The following NRG1 variants were observed in gnomAD, a reference collection of about 807,000 sequenced individuals.
NRG1 encodes pro-neuregulin-1, membrane-bound isoform.
Under a neutral mutation model 63.8 loss-of-function variants are expected in NRG1, and 18 were observed. That is an observed-to-expected ratio of 0.28 (90% confidence interval 0.19 to 0.42). The LOEUF (loss-of-function observed/expected upper bound fraction) is 0.42. Ranked by LOEUF, NRG1 falls within the 10% of genes least tolerant of loss-of-function variation. NRG1 has a pLI of 1.00. For missense variants in NRG1, 762 were observed against 814.7 expected (o/e 0.94, Z 0.79); for synonymous variants, 302 against 301.3 (o/e 1.00, Z -0.02).
chr8:32,247,518 C>T (rs1848700169), intron 1 of NRG1, among the ~76,000 whole-genome samples: 2 of 152,084 alleles, frequency 1.3e-5, no homozygotes, highest in South Asian at 4.1e-4. Context: ...CAAAGGCCCT[C>T]TGGGAGATAT....
At chr8:32,659,063 T>C (rs879604952) in intron 5 of NRG1, among the ~76,000 whole-genome samples, 2 of 152,186 alleles carry the variant, frequency 1.3e-5, no homozygotes, top group Non-Finnish European at 2.9e-5. Context: ...GAGCTGAGTT[T>C]AATTCCTAGA....
chr8:32,633,343 G>A (rs1161338129), intron 5 of NRG1, among the ~76,000 whole-genome samples: 3 of 151,878 alleles, frequency 2.0e-5, no homozygotes, highest in Non-Finnish European at 4.4e-5. Flanking sequence ...GATGGTTACC[G>A]AGAATGGAAA....
intron 1 of NRG1, among the ~76,000 whole-genome samples, chr8:32,324,092 CA>C (rs11315662): frequency 0.17 from 24,339 of 146,208 alleles, 2,831 homozygotes; most frequent in East Asian, 0.58. Flanking sequence ...TCAAAGCCCT[CA>C]AAAAAAAAAA....
intron 1 of NRG1, among the ~76,000 whole-genome samples, chr8:32,575,313 A>T (rs146885717): frequency 6.6e-6 from 1 of 151,908 alleles, no homozygotes; most frequent in Admixed American, 6.6e-5. Context: ...TGGTTGGCCT[A>T]CTTCTTCTTT....
intron 1 of NRG1, among the ~76,000 whole-genome samples, chr8:31,669,878 G>C (rs1806944230): frequency 6.6e-6 from 1 of 152,158 alleles, no homozygotes; most frequent in Non-Finnish European, 1.5e-5. Flanking sequence ...CTGGTCACAT[G>C]AGGATTGGGT....
At chr8:32,724,108 A>G (rs1821433233) in intron 5 of NRG1, among the ~76,000 whole-genome samples, 1 of 152,224 alleles carries the variant, frequency 6.6e-6, no homozygotes, top group Non-Finnish European at 1.5e-5. Flanking sequence ...TCTTCCTTAT[A>G]ATACTGTAGT....
chr8:32,617,830 T>A (rs1174078542), intron 5 of NRG1, among the ~76,000 whole-genome samples: 2 of 152,182 alleles, frequency 1.3e-5, no homozygotes, highest in Non-Finnish European at 2.9e-5. Flanking sequence ...TTTAAGTTGT[T>A]TTGTCAATCT....
chr8:32,649,481 T>A (rs1032106395), intron 5 of NRG1, among the ~76,000 whole-genome samples: 1 of 152,196 alleles, frequency 6.6e-6, no homozygotes, highest in Non-Finnish European at 1.5e-5. Flanking sequence ...GAAAATTTGG[T>A]TCTTAATAAC....
chr8:31,923,569 G>A (rs533812499), intron 1 of NRG1, among the ~76,000 whole-genome samples: 34 of 152,186 alleles, frequency 2.2e-4, no homozygotes, highest in Non-Finnish European at 4.6e-4. Context: ...TCACCAGTGA[G>A]GCCATCTTGG....
chr8:32,375,605 T>A (rs1809521473), intron 1 of NRG1, among the ~76,000 whole-genome samples: 1 of 152,162 alleles, frequency 6.6e-6, no homozygotes, highest in African/African-American at 2.4e-5. Flanking sequence ...AAGGGAAGAC[T>A]TCCAGTTGCA....
intron 1 of NRG1, among the ~76,000 whole-genome samples, chr8:32,580,225 T>G (rs993207191): frequency 2.6e-5 from 4 of 152,166 alleles, no homozygotes; most frequent in African/African-American, 9.7e-5. Flanking sequence ...TCTCAAGGTC[T>G]CAATCATATC....
At chr8:32,748,330 C>T (rs1054818657) in intron 7 of NRG1, among the ~76,000 whole-genome samples, 5 of 81,576 alleles carry the variant, frequency 6.1e-5, no homozygotes, top group African/African-American at 1.4e-4. Context: ...CATGTACACG[C>T]GCGCGCGCGC....
chr8:32,641,905 A>G (rs1374131905), intron 5 of NRG1, among the ~76,000 whole-genome samples: 2 of 152,202 alleles, frequency 1.3e-5, no homozygotes, highest in African/African-American at 4.8e-5. Flanking sequence ...CAAGAACATC[A>G]CACAGCACAT....
intron 1 of NRG1, among the ~76,000 whole-genome samples, chr8:31,875,600 T>G (rs1219423386): frequency 6.6e-6 from 1 of 152,138 alleles, no homozygotes; most frequent in Non-Finnish European, 1.5e-5. Context: ...TCTCTTTTCT[T>G]CCTGTCTCCT....
intron 1 of NRG1, among the ~76,000 whole-genome samples, chr8:32,343,412 G>A (rs371541133): frequency 7.9e-5 from 12 of 152,196 alleles, no homozygotes; most frequent in African/African-American, 2.7e-4. Flanking sequence ...AACCTAGTAT[G>A]AAGTCCCATC....
At chr8:32,311,887 T>C (rs1856837510) in intron 1 of NRG1, among the ~76,000 whole-genome samples, 2 of 152,178 alleles carry the variant, frequency 1.3e-5, no homozygotes, top group Non-Finnish European at 2.9e-5. Context: ...AAGTCTCTCC[T>C]CTTGCTCCAT....
At chr8:32,651,306 T>C (rs1252341428) in intron 5 of NRG1, among the ~76,000 whole-genome samples, 3 of 152,194 alleles carry the variant, frequency 2.0e-5, no homozygotes, top group Admixed American at 6.5e-5. Context: ...AAGTATATAT[T>C]TTTATTCTAA....
chr8:32,293,572 A>G (rs1854463214), intron 1 of NRG1, among the ~76,000 whole-genome samples: 1 of 152,212 alleles, frequency 6.6e-6, no homozygotes, highest in African/African-American at 2.4e-5. Context: ...TGAGAAAATA[A>G]AAAGATTATT....
chr8:31,995,590 A>G (rs1462597595), intron 1 of NRG1, among the ~76,000 whole-genome samples: 1 of 151,898 alleles, frequency 6.6e-6, no homozygotes, highest in African/African-American at 2.4e-5. Flanking sequence ...TGTCTCTGAA[A>G]GTGAGGACCC....
Sources: gnomAD v4.1 joint callset for allele counts (sites outside exome capture counted in the v4.1 genomes callset) on GRCh38, gnomAD v4.1.1 for gene constraint, MANE v1.5 for transcripts, NCBI Gene and HGNC (gene_info 2026-07-23, HGNC 2026-07-21) for gene names.